The following SYNE3 variants were observed in gnomAD, a reference collection of about 807,000 sequenced individuals.
The protein encoded by SYNE3 is spectrin repeat containing nuclear envelope family member 3, also known as nesprin-3.
In SYNE3, 100 loss-of-function variants were observed where a neutral mutation model predicts 111.2. That is an observed-to-expected ratio of 0.90 (90% CI 0.77 to 1.06). The LOEUF (loss-of-function observed/expected upper bound fraction) is 1.06, where lower values mean the gene tolerates loss of function less well. Among genes scored for constraint, SYNE3 ranks in the 50% least tolerant of loss-of-function variants. The pLI is 0.00. For synonymous variants in SYNE3, 547 were observed against 533.9 expected (o/e 1.02, Z -0.34); for missense variants, 1,160 against 1,240.3 (o/e 0.94, Z 0.97).
rs750070890 is a variant in SYNE3 at position 95,455,360 on chromosome 14, C to T, written c.1137+17G>A. On this transcript the variant is annotated intron_variant, in intron 6 of 17. Coordinates refer to ENST00000682763, the MANE Select transcript of SYNE3 (RefSeq NM_152592.6). ...AGACAGCACCCTGGGCTCCATGACT[C>T]GGCCAAGCACGCTTACCGAGTAGCG... 68 of 1,512,978 alleles carry T rather than the reference C, an allele frequency of 4.5e-5. No homozygotes were observed. Among genetic ancestry groups the T allele is most frequent in the South Asian group, 4.0e-5 (3 of 75,054 alleles). The allele number at this position is 1,512,978 out of a possible 1,614,324, so 93.7% of individuals were successfully genotyped here. A position where few individuals can be genotyped will look rare whatever the true frequency, so the allele number is the denominator to read the frequency against.
intron 1 of SYNE3, among the ~76,000 whole-genome samples, chr14:95,488,891 G>A (rs1384772211): frequency 6.6e-6 from 1 of 152,184 alleles, no homozygotes; most frequent in Non-Finnish European, 1.5e-5. Context: ...AGCATGTCAT[G>A]CTGGCTCACT....
intron 1 of SYNE3, among the ~76,000 whole-genome samples, chr14:95,486,828 A>T (rs1214185832): frequency 3.3e-5 from 5 of 152,176 alleles, no homozygotes; most frequent in Non-Finnish European, 5.9e-5. Context: ...TAAACTTCAC[A>T]TAAAACTCAT....
At chr14:95,507,033 C>G (rs972354788) in intron 1 of SYNE3, among the ~76,000 whole-genome samples, 1 of 152,182 alleles carries the variant, frequency 6.6e-6, no homozygotes, top group African/African-American at 2.4e-5. Flanking sequence ...TGGGGTGGTC[C>G]GCAGTTCACA....
intron 1 of SYNE3, among the ~76,000 whole-genome samples, chr14:95,486,137 C>T (rs890676403): frequency 3.3e-5 from 5 of 152,150 alleles, no homozygotes; most frequent in African/African-American, 1.2e-4. Context: ...TAGATGAAAT[C>T]TCCAGGGCCC....
At chr14:95,511,655 C>T (rs891993464) in intron 1 of SYNE3, among the ~76,000 whole-genome samples, 4 of 152,008 alleles carry the variant, frequency 2.6e-5, no homozygotes, top group African/African-American at 4.8e-5. Context: ...GCAGAGGTTA[C>T]GGTGAGCTGA....
At chr14:95,429,747 C>T (rs533698561) in intron 17 of SYNE3, among the ~76,000 whole-genome samples, 9 of 152,292 alleles carry the variant, frequency 5.9e-5, no homozygotes, top group East Asian at 1.9e-4. Context: ...CTGTGCCCAA[C>T]GTCTTCTGGT....
intron 2 of SYNE3, among the ~76,000 whole-genome samples, 156 bp downstream of exon 2, chr14:95,475,522 T>TA (rs1888826763): frequency 6.6e-6 from 1 of 150,978 alleles, no homozygotes. Flanking sequence ...AGTCTACACT[T>TA]AAACAAAATC....
chr14:95,512,440 G>C (rs1256197054), intron 1 of SYNE3, among the ~76,000 whole-genome samples: 1 of 152,186 alleles, frequency 6.6e-6, no homozygotes, highest in Non-Finnish European at 1.5e-5. Context: ...TGTAATCCCA[G>C]CTACTCAGGA....
chr14:95,440,069 C>T lies in SYNE3; in HGVS notation c.1918G>A (p.Val640Met), dbSNP rs1335156021. Residue 640 changes from valine to methionine, a missense_variant, in exon 12 of 18, where the codon GTG becomes ATG. By Grantham distance (21) the Val-to-Met change is conservative. Coordinates refer to ENST00000682763, the MANE Select transcript of SYNE3 (RefSeq NM_152592.6). Reference protein sequence around the residue: ...QALQRSLEDLVDRCRQSVQEH... With the variant: ...QALQRSLEDLMDRCRQSVQEH... The stretch of plus-strand genomic sequence containing the variant: ...TGCACACTCTGCCGACACCTGTCCA[C>T]AAGGTCCTGCAGCACAGCCCGGGGA... 1.2e-6 allele frequency: 2 copies of T among 1,601,740 alleles called. No homozygotes were observed.
intron 2 of SYNE3, 102 bp downstream of exon 2, chr14:95,475,576 T>A (rs1417132813): frequency 8.0e-7 from 1 of 1,254,376 alleles, no homozygotes. Context: ...AAACATTGGT[T>A]TAGTCCACCG....
intron 1 of SYNE3, among the ~76,000 whole-genome samples, chr14:95,498,131 A>T (rs549252323): frequency 2.3e-4 from 35 of 152,138 alleles, no homozygotes; most frequent in East Asian, 3.9e-4. Context: ...AATTTTTTTT[A>T]AAAAAATTAG....
At chr14:95,475,298 C>T (rs1888810131) in intron 2 of SYNE3, among the ~76,000 whole-genome samples, 1 of 152,220 alleles carries the variant, frequency 6.6e-6, no homozygotes, top group East Asian at 1.9e-4. Flanking sequence ...TGGCAGGGAC[C>T]CCAACCAGGC....
chr14:95,501,779 G>T (rs1890346612), intron 1 of SYNE3, among the ~76,000 whole-genome samples: 1 of 152,226 alleles, frequency 6.6e-6, no homozygotes. Context: ...CATCTGAGTA[G>T]TTTGTCCCCA....
intron 1 of SYNE3, among the ~76,000 whole-genome samples, chr14:95,511,466 C>T (rs1019650840): frequency 6.6e-6 from 1 of 152,010 alleles, no homozygotes; most frequent in African/African-American, 2.4e-5. Context: ...TTTGGGAGAC[C>T]GAGGTGGGTG....
intron 17 of SYNE3, among the ~76,000 whole-genome samples, chr14:95,428,640 A>T (rs943359118): frequency 6.6e-6 from 1 of 152,222 alleles, no homozygotes; most frequent in African/African-American, 2.4e-5. Context: ...TGTCTCAGGT[A>T]GGGCTATGCC....
At chr14:95,445,764 TG>T in intron 9 of SYNE3, 144 bp downstream of exon 9, 1 of 831,488 alleles carries the variant, frequency 1.2e-6, no homozygotes, top group Non-Finnish European at 1.9e-6. Flanking sequence ...GAGGCTGAGA[TG>T]GTCAGGGACA....
intron 1 of SYNE3, among the ~76,000 whole-genome samples, chr14:95,510,866 G>C (rs1028354129): frequency 1.3e-5 from 2 of 152,212 alleles, no homozygotes; most frequent in Non-Finnish European, 2.9e-5. Context: ...CACAAAGGCA[G>C]TGGGCTTCCT....
chr14:95,492,946 A>T (rs1011627600), intron 1 of SYNE3, among the ~76,000 whole-genome samples: 24 of 152,212 alleles, frequency 1.6e-4, no homozygotes, highest in African/African-American at 5.3e-4. Flanking sequence ...AAACATCAGC[A>T]TCCCAAAACT....
chr14:95,508,907 G>A (rs1214265456), intron 1 of SYNE3, among the ~76,000 whole-genome samples: 1 of 152,176 alleles, frequency 6.6e-6, no homozygotes, highest in Non-Finnish European at 1.5e-5. Context: ...CCTGTGTCCT[G>A]GAAATATTAG....
Sources: allele counts gnomAD v4.1 joint callset (sites outside exome capture counted in the v4.1 genomes callset), GRCh38; gene constraint gnomAD v4.1.1; transcripts MANE v1.5; gene names NCBI Gene and HGNC (gene_info 2026-07-23, HGNC 2026-07-21).